The following CALCB variants were observed in gnomAD, a reference collection of about 807,000 sequenced individuals.
CALCB encodes calcitonin related polypeptide beta.
A neutral mutation model predicts 10.7 loss-of-function variants in CALCB; 8 were observed. That is an observed-to-expected ratio of 0.75 (90% CI 0.44 to 1.34). CALCB has a LOEUF of 1.34. Ranked by LOEUF, CALCB falls within the 40% of genes most tolerant of loss-of-function variation. CALCB has a pLI of 0.01. For missense variants in CALCB, 176 were observed against 162.5 expected (o/e 1.08, Z -0.45); for synonymous variants, 76 against 66.9 (o/e 1.14, Z -0.66).
At position 15,074,036 on chromosome 11, in the gene CALCB, G is replaced by T. The variant is rs560347004; in HGVS notation, c.-10+373G>T. 1.6e-4 allele frequency among the ~76,000 whole-genome samples: 24 copies of T among 152,372 alleles called. No individual in the cohort carries two copies. In the East Asian group the frequency reaches 4.6e-3, roughly 29 times the overall value. On this transcript the variant is annotated intron_variant, in intron 1 of 4. Coordinates refer to ENST00000324229, the MANE Select transcript of CALCB (RefSeq NM_000728.4). ...TCGGGAGCATGTTTCGTTCCCGGGA[G>T]GTCGGAACCCTGAGCTTTCCTCTGA...
chr11:15,076,728 C>G (rs1187234845), intron 3 of CALCB, among the ~76,000 whole-genome samples: 1 of 152,210 alleles, frequency 6.6e-6, no homozygotes, highest in Admixed American at 6.5e-5. Flanking sequence ...CACATCCAGA[C>G]TTGAGGGTGT....
chr11:15,074,635 T>A, intron 1 of CALCB, 75 bp from the exon 2 acceptor site: 1 of 1,127,174 alleles, frequency 8.9e-7, no homozygotes, highest in South Asian at 1.4e-5. Flanking sequence ...TAAGGTCACA[T>A]GGCAGTTGTG....
In CALCB at chr11:15,077,269, T is replaced by C. The variant is rs750033156; in HGVS notation, c.225-17T>C. On this transcript the variant is annotated splice_polypyrimidine_tract_variant and intron_variant, in intron 3 of 4. Coordinates refer to ENST00000324229, the MANE Select transcript of CALCB (RefSeq NM_000728.4). ...TCACTCACAGGTCTTCTCTTCTTTC[T>C]CTATCTTGCAAATCAGCTCCGCTGC... 1 of 1,612,410 alleles carries C rather than the reference T, an allele frequency of 6.2e-7. No individual in the cohort carries two copies. Among genetic ancestry groups the C allele is most frequent in the Non-Finnish European group, 8.5e-7 (1 of 1,179,350 alleles).
chr11:15,074,237 C>G (rs566150681), intron 1 of CALCB, among the ~76,000 whole-genome samples: 3 of 152,248 alleles, frequency 2.0e-5, no homozygotes, highest in Non-Finnish European at 4.4e-5. Flanking sequence ...GTAACTGGCA[C>G]GTTAAAAATT....
At position 15,077,394 on chromosome 11, in the gene CALCB, C is replaced by A; in HGVS notation, c.333C>A (p.Thr111=). 6.2e-7 allele frequency: 1 copy of A among 1,614,230 alleles called. No homozygotes were observed. Among genetic ancestry groups the A allele is most frequent in the Non-Finnish European group, 8.5e-7 (1 of 1,180,046 alleles). ...TGGTGAAGAGCAACTTCGTGCCCACCAATGTGGGTTCCAAAGCCTTTGGCA... is the reference window on the plus strand; with the variant it reads ...TGGTGAAGAGCAACTTCGTGCCCACAAATGTGGGTTCCAAAGCCTTTGGCA... ...GGMVKSNFVP[T]NVGSKAFGRR... The change falls in exon 4 of 5, where the codon ACC becomes ACA. Residue 111 remains threonine, a synonymous_variant. Transcript: ENST00000324229.
chr11:15,075,716 G>C (rs574434467), intron 3 of CALCB, among the ~76,000 whole-genome samples: 3 of 152,300 alleles, frequency 2.0e-5, no homozygotes, highest in East Asian at 3.9e-4. Flanking sequence ...GGTGGGGACA[G>C]AGCAGTGTCT....
chr11:15,078,006 C>CT (rs1445158585), intron 4 of CALCB, 77 bp from the exon 5 acceptor site: 1 of 152,036 alleles, frequency 6.6e-6, no homozygotes, highest in Admixed American at 6.6e-5. Flanking sequence ...CTTCCTTCTC[C>CT]TTTTCATCTT....
chr11:15,077,342 C>A lies in CALCB; in HGVS notation c.281C>A (p.Ala94Glu). 1 of 1,614,086 alleles carries A rather than the reference C, an allele frequency of 6.2e-7. No individual in the cohort carries two copies. Among genetic ancestry groups the A allele is most frequent in the South Asian group, 1.1e-5 (1 of 91,084 alleles). ...NTATCVTHRL[A>E]GLLSRSGGMV... ...GCCACCTGTGTGACTCATCGGCTGGCAGGCTTGCTGAGCAGATCAGGGGGC... is the reference window on the plus strand; with the variant it reads ...GCCACCTGTGTGACTCATCGGCTGGAAGGCTTGCTGAGCAGATCAGGGGGC... Residue 94 changes from alanine (A) to glutamate (E), a missense_variant, in exon 4 of 5, where the codon GCA (alanine) becomes GAA (glutamate). Coordinates refer to ENST00000324229, the MANE Select transcript of CALCB (RefSeq NM_000728.4).
At chr11:15,074,988 A>G in intron 2 of CALCB, 73 bp from the exon 3 acceptor site, 1 of 1,570,640 alleles carries the variant, frequency 6.4e-7, no homozygotes, top group Non-Finnish European at 8.8e-7. Flanking sequence ...GAGACCAGGA[A>G]GCCTGGCTGC....
intron 3 of CALCB, among the ~76,000 whole-genome samples, chr11:15,077,080 T>C (rs1466542880): frequency 6.6e-6 from 1 of 152,172 alleles, no homozygotes; most frequent in African/African-American, 2.4e-5. Flanking sequence ...GGAATTGTTT[T>C]TTCTTCTTTC....
intron 1 of CALCB, 132 bp from the exon 2 acceptor site, chr11:15,074,578 C>A: frequency 1.5e-6 from 1 of 661,852 alleles, no homozygotes; most frequent in Non-Finnish European, 2.7e-6. Context: ...AGCAGCCCTT[C>A]CTGCAAATGA....
rs761125737 is a variant in CALCB, at chr11:15,074,737, T to TC, written c.24dup (p.Phe9LeufsTer35). ...AGGCGGCATGGGTTTCCGGAAGTTC[T>TC]CCCCCTTCCTGGCTCTCAGTATCTT... On this transcript the variant is annotated frameshift_variant, in exon 2 of 5. Coordinates refer to ENST00000324229, the MANE Select transcript of CALCB (RefSeq NM_000728.4). LOFTEE classifies it high-confidence loss of function. 6.2e-6 allele frequency: 10 copies of TC among 1,613,974 alleles called. No individual in the cohort carries two copies. The highest frequency in any genetic ancestry group is 8.5e-6 in the Non-Finnish European group (10 of 1,179,912).
intron 3 of CALCB, 109 bp downstream of exon 3, chr11:15,075,307 T>C: frequency 1.3e-6 from 2 of 1,565,736 alleles, no homozygotes; most frequent in Non-Finnish European, 1.7e-6. Flanking sequence ...TCCAGCAAGC[T>C]GATTTGTCCA....
chr11:15,074,094 G>A (rs552465906), intron 1 of CALCB, among the ~76,000 whole-genome samples: 35 of 152,376 alleles, frequency 2.3e-4, no homozygotes, highest in Admixed American at 4.6e-4. Flanking sequence ...CCGGGATTCC[G>A]GTCCGGATCT....
chr11:15,077,144 C>T (rs1850402603), intron 3 of CALCB, 142 bp from the exon 4 acceptor site: 5 of 856,768 alleles, frequency 5.8e-6, no homozygotes, highest in Admixed American at 2.5e-5. Context: ...AGGCCATTTC[C>T]CCTAACAGCT....
chr11:15,077,254 GTCT>G (rs1565230304), intron 3 of CALCB, 29 bp from the exon 4 acceptor site: 1 of 1,609,584 alleles, frequency 6.2e-7, no homozygotes, highest in Admixed American at 1.7e-5. Context: ...TCACTCACAG[GTCT>G]TCTCTTCTTT....
chr11:15,078,057 C>G (rs1325142215), intron 4 of CALCB, 26 bp from the exon 5 acceptor site: 1 of 151,872 alleles, frequency 6.6e-6, no homozygotes, highest in Admixed American at 6.6e-5. Flanking sequence ...CTTCTCCCTC[C>G]TCTTCTTTTT....
chr11:15,077,476 T>C lies in CALCB; in HGVS notation c.*25+6T>C, dbSNP rs1458578952. 1.2e-6 allele frequency: 2 copies of C among 1,612,950 alleles called. No individual in the cohort carries two copies. Among genetic ancestry groups the C allele is most frequent in the Non-Finnish European group, 1.7e-6 (2 of 1,179,506 alleles). On this transcript the variant is annotated splice_donor_region_variant and intron_variant, in intron 4 of 4. Transcript: ENST00000324229. Reference sequence around the variant, plus strand: ...TGAATGACTCCAGGAAGAAGGTAACTACCCTAATGCTATGGGATAAGAGGG... The same window carrying C: ...TGAATGACTCCAGGAAGAAGGTAACCACCCTAATGCTATGGGATAAGAGGG...
chr11:15,075,333 C>G (rs2133640788), intron 3 of CALCB, 135 bp downstream of exon 3: 1 of 1,467,474 alleles, frequency 6.8e-7, no homozygotes, highest in South Asian at 1.3e-5. Context: ...CTCCCTTTCT[C>G]AAGTTCCAAG....
Sources: gnomAD v4.1 joint callset for allele counts (sites outside exome capture counted in the v4.1 genomes callset) on GRCh38, gnomAD v4.1.1 for gene constraint, MANE v1.5 for transcripts, NCBI Gene and HGNC (gene_info 2026-07-23, HGNC 2026-07-21) for gene names.